Variants in HPSE observed in about 807,000 individuals in gnomAD.
HPSE encodes the protein heparanase.
Under a neutral mutation model 65.1 loss-of-function variants are expected in HPSE, and 48 were observed. The observed-to-expected ratio is 0.74, with a 90% CI of 0.58 to 0.94. The LOEUF (loss-of-function observed/expected upper bound fraction) is 0.94. Ranked by LOEUF, HPSE falls within the 40% of genes least tolerant of loss-of-function variation. The pLI is 0.00. For synonymous variants in HPSE, 243 were observed against 260.0 expected (o/e 0.93, Z 0.63); for missense variants, 644 against 637.5 (o/e 1.01, Z -0.11).
At chr4:83,322,790 TGTGTGTG>T (rs1211172702) in intron 1 of HPSE, among the ~76,000 whole-genome samples, 40 of 70,524 alleles carry the variant, frequency 5.7e-4, no homozygotes, top group African/African-American at 3.8e-3. Context: ...AGAGCTTGTT[TGTGTGTG>T]TGTGTGTGTG....
At position 83,308,930 on chromosome 4, in the gene HPSE, C is replaced by G. The variant is rs1345403139; in HGVS notation, c.1006G>C (p.Gly336Arg). The change falls in exon 8 of 12, where the codon GGC becomes CGC. Residue 336 changes from glycine to arginine, a missense_variant. Gly to Arg is a moderately radical substitution (Grantham distance 125). Coordinates refer to ENST00000311412, the MANE Select transcript of HPSE (RefSeq NM_001098540.3). Reference sequence around the variant, plus strand: ...GTTTCTCCTAACCAGACCTTCTTGCCAGGCCTGGTGCTCTCAACCACCTAT... The same window carrying G: ...GTTTCTCCTAACCAGACCTTCTTGCGAGGCCTGGTGCTCTCAACCACCTAT... ...VFQVVESTRPGKKVWLGETSS... is the reference protein window; with the variant it reads ...VFQVVESTRPRKKVWLGETSS... 18 of 1,613,978 alleles carry G rather than the reference C, an allele frequency of 1.1e-5. No individual in the cohort carries two copies. Among genetic ancestry groups the G allele is most frequent in the Non-Finnish European group, 1.5e-5 (18 of 1,179,940 alleles).
intron 8 of HPSE, among the ~76,000 whole-genome samples, chr4:83,308,134 G>T (rs968277169): frequency 6.6e-6 from 1 of 150,726 alleles, no homozygotes; most frequent in Non-Finnish European, 1.5e-5. Flanking sequence ...GTGGCCGGGC[G>T]TGGTGGCTCA....
chr4:83,319,459 T>G lies in HPSE; in HGVS notation c.384A>C (p.Lys128Asn), dbSNP rs995801803. 1.2e-6 allele frequency: 2 copies of G among 1,613,832 alleles called. No individual in the cohort carries two copies. The highest frequency in any genetic ancestry group is 1.7e-6 in the Non-Finnish European group (2 of 1,179,756). ...WQSQVNQDIC[K>N]YGSIPPDVEE... ...CCACATCAGGAGGGATGGATCCATA[T>G]TTGCAAATATCTGCAAGTGGAAGAG... is the stretch of plus-strand genomic sequence containing the variant. The change falls in exon 3 of 12, where the codon AAA becomes AAC. Residue 128 changes from lysine to asparagine, a missense_variant. Coordinates refer to ENST00000311412, the MANE Select transcript of HPSE (RefSeq NM_001098540.3).
intron 4 of HPSE, among the ~76,000 whole-genome samples, chr4:83,311,725 T>G (rs2126188517): frequency 6.8e-6 from 1 of 146,436 alleles, no homozygotes; most frequent in Non-Finnish European, 1.5e-5. Flanking sequence ...GAGGTTACAT[T>G]GAGCTATGAA....
At chr4:83,310,505 C>A (rs145910527) in intron 5 of HPSE, among the ~76,000 whole-genome samples, 1 of 152,032 alleles carries the variant, frequency 6.6e-6, no homozygotes, top group East Asian at 1.9e-4. Context: ...CCCATCTCTA[C>A]AAAAAAATTT....
At chr4:83,306,632 T>C (rs1375962053) in intron 8 of HPSE, among the ~76,000 whole-genome samples, 1 of 152,188 alleles carries the variant, frequency 6.6e-6, no homozygotes, top group African/African-American at 2.4e-5. Context: ...TCCATCTTGC[T>C]TCTAACCTTT....
Position 83,301,044 on chromosome 4 carries a change from T to C in HPSE, c.1388A>G (p.Tyr463Cys). Residue 463 changes from tyrosine to cysteine, a missense_variant, in exon 11 of 12, where the codon TAC becomes TGC. Physicochemically the swap from Tyr to Cys is radical, Grantham distance 194. Coordinates refer to ENST00000311412, the MANE Select transcript of HPSE (RefSeq NM_001098540.3). The part of the protein sequence containing the change: ...YAINLHNVTK[Y>C]LRLPYPFSNK... ...AGAAAAAGGATAGGGTAACCGCAAG[T>C]ACTTGGTGACATTATGGAGGTTTAT... 1.9e-6 allele frequency: 3 copies of C among 1,608,220 alleles called. No homozygotes were observed. Among genetic ancestry groups the C allele is most frequent in the Non-Finnish European group, 2.6e-6 (3 of 1,175,780 alleles).
chr4:83,319,957 T>C (rs1269180783), intron 2 of HPSE, among the ~76,000 whole-genome samples: 1 of 146,914 alleles, frequency 6.8e-6, no homozygotes, highest in African/African-American at 2.5e-5. Context: ...GAGGCGGAGG[T>C]TGCAGTGAGC....
At chr4:83,307,586 A>G (rs1271820771) in intron 8 of HPSE, among the ~76,000 whole-genome samples, 1 of 152,204 alleles carries the variant, frequency 6.6e-6, no homozygotes, top group African/African-American at 2.4e-5. Flanking sequence ...GGGCTGAAGA[A>G]AAAGTGGCAG....
chr4:83,328,282 T>C (rs1384779126), intron 1 of HPSE, among the ~76,000 whole-genome samples: 1 of 152,220 alleles, frequency 6.6e-6, no homozygotes, highest in Non-Finnish European at 1.5e-5. Flanking sequence ...GTTCCAGGTC[T>C]TTCTCCTAAG....
intron 11 of HPSE, among the ~76,000 whole-genome samples, chr4:83,298,323 T>C (rs1226474612): frequency 6.6e-6 from 1 of 152,186 alleles, no homozygotes; most frequent in Non-Finnish European, 1.5e-5. Flanking sequence ...AAATATAAAA[T>C]ACGGCCTTTA....
At chr4:83,323,637 A>T (rs72652732) in intron 1 of HPSE, among the ~76,000 whole-genome samples, 25 of 152,232 alleles carry the variant, frequency 1.6e-4, no homozygotes, top group Admixed American at 2.6e-4. Context: ...GCCTCCCTTC[A>T]CCATTCCCCA....
In HPSE at chr4:83,310,798, A is replaced by G. The variant is rs142218633; in HGVS notation, c.766T>C (p.Ser256Pro). Residue 256 changes from serine to proline, a missense_variant, in exon 5 of 12, where the codon TCC (serine) becomes CCC (proline). By Grantham distance (74) the Ser-to-Pro change is moderately conservative. Transcript: ENST00000311412. ...TAGAGTTTTGCATTTTTGAAGGTGG[A>G]CTTTCTTAGAAGTTTATGCAATTGA... Reference protein sequence around the residue: ...FIQLHKLLRKSTFKNAKLYGP... With the variant: ...FIQLHKLLRKPTFKNAKLYGP... 1.1e-5 allele frequency: 18 copies of G among 1,614,096 alleles called. No homozygotes were observed. The highest frequency in any genetic ancestry group is 1.4e-5 in the Non-Finnish European group (16 of 1,179,956).
intron 1 of HPSE, among the ~76,000 whole-genome samples, chr4:83,334,067 A>T (rs1485131607): frequency 2.6e-5 from 4 of 152,090 alleles, no homozygotes; most frequent in Non-Finnish European, 5.9e-5. Flanking sequence ...TTCCACTTAT[A>T]CCTGACCTTA....
At chr4:83,315,864 C>T (rs945704592) in intron 3 of HPSE, among the ~76,000 whole-genome samples, 1 of 152,188 alleles carries the variant, frequency 6.6e-6, no homozygotes, top group Non-Finnish European at 1.5e-5. Context: ...GGAATGCTTG[C>T]ACTCATACTT....
At chr4:83,325,047 C>G (rs1317902252) in intron 1 of HPSE, among the ~76,000 whole-genome samples, 1 of 151,586 alleles carries the variant, frequency 6.6e-6, no homozygotes, top group African/African-American at 2.4e-5. Flanking sequence ...ATGTGGTGAG[C>G]TAGATGGTAG....
At chr4:83,302,078 G>A (rs780357679) in intron 10 of HPSE, 72 bp downstream of exon 10, 1 of 905,892 alleles carries the variant, frequency 1.1e-6, no homozygotes, top group Non-Finnish European at 1.8e-6. Flanking sequence ...ACATGCAACA[G>A]GGTGTTTGAG....
At chr4:83,334,962 G>T, upstream of HPSE, 2 of 1,003,908 alleles carry the variant, frequency 2.0e-6, no homozygotes, top group South Asian at 1.9e-5. Flanking sequence ...CCCTCCCACT[G>T]CTCCCAATCC....
At chr4:83,316,063 G>A in intron 3 of HPSE, among the ~76,000 whole-genome samples, 1 of 150,800 alleles carries the variant, frequency 6.6e-6, no homozygotes, top group East Asian at 1.9e-4. Flanking sequence ...GTATTGTTCT[G>A]TCGCCCAGGC....
Sources: gnomAD v4.1 joint callset for allele counts (sites outside exome capture counted in the v4.1 genomes callset) on GRCh38, gnomAD v4.1.1 for gene constraint, MANE v1.5 for transcripts, NCBI Gene and HGNC (gene_info 2026-07-23, HGNC 2026-07-21) for gene names.